The following HERPUD1 variants were observed in gnomAD, a reference collection of about 807,000 sequenced individuals.
HERPUD1 encodes the protein homocysteine inducible ER protein with ubiquitin like domain 1, also known as homocysteine-responsive endoplasmic reticulum-resident ubiquitin-like domain member 1 protein.
A neutral mutation model predicts 45.0 loss-of-function variants in HERPUD1; 17 were observed. The ratio of observed to expected loss-of-function variants is 0.38; its 90% CI spans 0.26 to 0.57. HERPUD1 has a LOEUF of 0.57. Ranked by LOEUF, HERPUD1 falls within the 20% of genes least tolerant of loss-of-function variation. The probability of loss-of-function intolerance (pLI) is 0.72; values close to 1 mark genes in which losing one functional copy is unlikely to be tolerated. For synonymous variants in HERPUD1, 164 were observed against 177.5 expected (o/e 0.92, Z 0.61); for missense variants, 420 against 490.5 (o/e 0.86, Z 1.36).
rs537873419 is a variant in HERPUD1, at chr16:56,943,869, A to G, written c.*579A>G. The G allele has an allele frequency of 9.5e-5, 19 of 199,600 alleles. No homozygotes were observed. Among genetic ancestry groups the G allele is most frequent in the African/African-American group, 4.2e-4 (18 of 42,922 alleles). 12.4% of individuals were successfully genotyped at this position (199,600 alleles called of 1,614,324 possible). On this transcript the variant is annotated 3_prime_UTR_variant, in exon 8 of 8. Coordinates refer to ENST00000439977, the MANE Select transcript of HERPUD1 (RefSeq NM_014685.4). ...GTTTTCTGTTCAATAAAGTTTTACT[A>G]TGAATGACCCTGGCAGAGACTCCTG... is the stretch of plus-strand genomic sequence containing the variant.
chr16:56,935,298 G>C lies in HERPUD1; in HGVS notation c.211G>C (p.Asp71His), dbSNP rs575953013. The change falls in exon 2 of 8, where the codon GAC becomes CAC. Residue 71 changes from aspartate (D) to histidine (H), a missense_variant. By Grantham distance (81) the Asp-to-His change is moderately conservative. Coordinates refer to ENST00000439977, the MANE Select transcript of HERPUD1 (RefSeq NM_014685.4). Reference sequence around the variant, plus strand: ...GTTGTTGGATCACCAATGTCTCAGGGACTTGCTTCCAAAGGTACATCACTT... The same window carrying C: ...GTTGTTGGATCACCAATGTCTCAGGCACTTGCTTCCAAAGGTACATCACTT... ...KLLLDHQCLR[D>H]LLPKQEKRHV... 6.2e-7 allele frequency: 1 copy of C among 1,613,908 alleles called. No homozygotes were observed. The highest frequency in any genetic ancestry group is 2.2e-5 in the East Asian group (1 of 44,878).
chr16:56,941,365 A>C (rs952439), intron 6 of HERPUD1: 21,382 of 152,142 alleles, frequency 0.14, 1,579 homozygotes, highest in Middle Eastern at 0.26. Flanking sequence ...CAATGTGTAG[A>C]TATTTTTGGT....
intron 5 of HERPUD1, 81 bp from the exon 6 acceptor site, chr16:56,939,814 A>G (rs2055894869): frequency 9.3e-7 from 1 of 1,080,536 alleles, no homozygotes; most frequent in African/African-American, 1.6e-5. Context: ...TCTTAACAGT[A>G]AAAGACTGCT....
At chr16:56,937,062 C>T (rs1196404863) in intron 4 of HERPUD1, 7 of 288,176 alleles carry the variant, frequency 2.4e-5, no homozygotes, top group African/African-American at 8.9e-5. Flanking sequence ...AAAATGTAGG[C>T]GTTTTATCCT....
chr16:56,935,547 G>C (rs772563873), intron 3 of HERPUD1, 72 bp downstream of exon 3: 205 of 1,296,568 alleles, frequency 1.6e-4, no homozygotes, highest in Non-Finnish European at 2.2e-4. Flanking sequence ...AAAGAAGTTG[G>C]ATAAAACGTT....
intron 3 of HERPUD1, 105 bp from the exon 4 acceptor site, chr16:56,936,581 TG>T (rs1487607868): frequency 1.4e-5 from 14 of 1,004,370 alleles, no homozygotes; most frequent in South Asian, 3.1e-5. Flanking sequence ...CGTTCAGAGG[TG>T]GGGGGTAGGA....
At position 56,940,110 on chromosome 16, in the gene HERPUD1, A is replaced by C. The variant is rs779106547; in HGVS notation, c.770A>C (p.Asp257Ala). The change falls in exon 6 of 8, where the codon GAT becomes GCT. Residue 257 changes from aspartate to alanine, a missense_variant. Asp to Ala is a moderately radical substitution (Grantham distance 126). Transcript: ENST00000439977. Reference sequence around the variant, plus strand: ...CAAGGTGGCCCTATTGTGGAAGAAGATGATGAAATAAATCGAGATTGGTTG... The same window carrying C: ...CAAGGTGGCCCTATTGTGGAAGAAGCTGATGAAATAAATCGAGATTGGTTG... The part of the protein sequence containing the change: ...NAQGGPIVEE[D>A]DEINRDWLDW... 1.2e-6 allele frequency: 2 copies of C among 1,614,110 alleles called. No individual in the cohort carries two copies. The highest frequency in any genetic ancestry group is 1.7e-6 in the Non-Finnish European group (2 of 1,180,056).
intron 7 of HERPUD1, among the ~76,000 whole-genome samples, chr16:56,942,552 A>G (rs116282944): frequency 0.01 from 1,531 of 152,292 alleles, 37 homozygotes; most frequent in African/African-American, 0.035. Context: ...GTGGTTAACT[A>G]CTAGTTTAAT....
chr16:56,939,447 G>A lies in HERPUD1; in HGVS notation c.554+88G>A, dbSNP rs145309935. 1.1e-5 allele frequency: 16 copies of A among 1,516,616 alleles called. No homozygotes were observed. In the South Asian group the frequency reaches 1.4e-4, roughly 13 times the overall value. The allele number at this position is 1,516,616 out of a possible 1,614,324, so 93.9% of individuals were successfully genotyped here. On this transcript the variant is annotated intron_variant, in intron 5 of 7. Coordinates refer to ENST00000439977, the MANE Select transcript of HERPUD1 (RefSeq NM_014685.4). Reference sequence around the variant, plus strand: ...CATGTTACCTGTAAAGTTCAGAATGGAGGGATGAGTGTATTTTCATCAGTC... The same window carrying A: ...CATGTTACCTGTAAAGTTCAGAATGAAGGGATGAGTGTATTTTCATCAGTC...
intron 1 of HERPUD1, chr16:56,933,036 G>A (rs2055839369): frequency 3.2e-6 from 1 of 308,580 alleles, no homozygotes; most frequent in Non-Finnish European, 6.3e-6. Context: ...TTATTAGCAA[G>A]ACTTCCTTGC....
intron 5 of HERPUD1, 110 bp from the exon 6 acceptor site, chr16:56,939,785 A>C (rs1244402878): frequency 7.7e-6 from 6 of 782,394 alleles, no homozygotes; most frequent in Non-Finnish European, 1.2e-5. Context: ...AATCAAAGGC[A>C]TATCTACCTA....
rs1277147566 is a variant in HERPUD1, at chr16:56,943,263, A to G, written c.1149A>G (p.Pro383=). Reference sequence around the variant, plus strand: ...AGACTTTCTTTGCCTCTCTTCTTCCAGAAGGCCCCCCAGCCATCGCAAACT... The same window carrying G: ...AGACTTTCTTTGCCTCTCTTCTTCCGGAAGGCCCCCCAGCCATCGCAAACT... ...VFKTFFASLL[P]EGPPAIAN The change falls in exon 8 of 8, where the codon CCA becomes CCG. Residue 383 remains proline (P), a synonymous_variant. Coordinates refer to ENST00000439977, the MANE Select transcript of HERPUD1 (RefSeq NM_014685.4). 6.2e-7 allele frequency: 1 copy of G among 1,614,006 alleles called. No homozygotes were observed. Among genetic ancestry groups the G allele is most frequent in the Non-Finnish European group, 8.5e-7 (1 of 1,180,044 alleles).
intron 3 of HERPUD1, 88 bp from the exon 4 acceptor site, chr16:56,936,599 A>G (rs1481209678): frequency 7.8e-6 from 10 of 1,290,148 alleles, no homozygotes; most frequent in Admixed American, 5.5e-5. Flanking sequence ...AGGAGATGTA[A>G]GCCCTTGACA....
intron 3 of HERPUD1, 167 bp from the exon 4 acceptor site, chr16:56,936,520 A>G: frequency 4.5e-6 from 2 of 444,588 alleles, no homozygotes; most frequent in Non-Finnish European, 3.8e-6. Flanking sequence ...ATTATGTTGA[A>G]TAAATGTCAG....
chr16:56,938,790 T>G (rs1210577141), intron 4 of HERPUD1, among the ~76,000 whole-genome samples: 1 of 152,094 alleles, frequency 6.6e-6, no homozygotes, highest in Non-Finnish European at 1.5e-5. Flanking sequence ...CACTTCACTA[T>G]AGATTCAGAT....
intron 4 of HERPUD1, chr16:56,937,244 T>G (rs2055873909): frequency 6.6e-6 from 1 of 152,622 alleles, no homozygotes; most frequent in African/African-American, 2.4e-5. Context: ...TCCAAAGACT[T>G]GGGGGTACTA....
intron 6 of HERPUD1, 90 bp from the exon 7 acceptor site, chr16:56,942,042 T>C (rs1444890564): frequency 2.1e-6 from 2 of 963,904 alleles, no homozygotes; most frequent in Non-Finnish European, 3.3e-6. Flanking sequence ...ATCAGGGTGC[T>C]GCTGTGATTA....
At chr16:56,942,755 G>A (rs958207459) in intron 7 of HERPUD1, among the ~76,000 whole-genome samples, 3 of 152,196 alleles carry the variant, frequency 2.0e-5, no homozygotes, top group African/African-American at 7.2e-5. Flanking sequence ...TGAGGCGGAA[G>A]GATGGCTTGA....
At position 56,942,181 on chromosome 16, in the gene HERPUD1, C is replaced by G; in HGVS notation, c.955C>G (p.Pro319Ala). 6.2e-7 allele frequency: 1 copy of G among 1,614,152 alleles called. No homozygotes were observed. Among genetic ancestry groups the G allele is most frequent in the Non-Finnish European group, 8.5e-7 (1 of 1,180,002 alleles). ...PFRPRPVQNFPNDGPPPDVVN... is the reference protein window; with the variant it reads ...PFRPRPVQNFANDGPPPDVVN... ...TAGACCGAGGCCGGTTCAGAACTTC[C>G]CAAATGATGGTCCTCCTCCTGACGT... Residue 319 changes from proline to alanine, a missense_variant, in exon 7 of 8, where the codon CCA becomes GCA. Pro to Ala is a conservative substitution (Grantham distance 27). Transcript: ENST00000439977.
Sources: allele counts gnomAD v4.1 joint callset (sites outside exome capture counted in the v4.1 genomes callset), GRCh38; gene constraint gnomAD v4.1.1; transcripts MANE v1.5; gene names NCBI Gene and HGNC (gene_info 2026-07-23, HGNC 2026-07-21).